Variants in SMARCA1 observed in about 807,000 individuals in gnomAD.
SMARCA1 encodes SWI/SNF-related matrix-associated actin-dependent regulator of chromatin subfamily A member 1.
In SMARCA1, 17 loss-of-function variants were observed where a neutral mutation model predicts 93.6. That is an observed-to-expected ratio of 0.18 (90% confidence interval 0.12 to 0.27). The LOEUF is 0.27. Among genes scored for constraint, SMARCA1 ranks in the 10% least tolerant of loss-of-function variants. The pLI, the probability that SMARCA1 is intolerant of heterozygous loss-of-function variation, is 1.00. For synonymous variants in SMARCA1, 271 were observed against 271.4 expected, an observed-to-expected ratio of 1.00 and a Z score of 0.01; for missense variants, 630 against 819.0, an observed-to-expected ratio of 0.77 and a Z score of 2.82.
At chrX:129,510,469 G>A (rs1045413199) in intron 6 of SMARCA1, among the ~76,000 whole-genome samples, 4 of 112,017 alleles carry the variant, frequency 3.6e-5, no homozygotes, top group African/African-American at 3.2e-5. Context: ...TCAGGAACCC[G>A]AGGTGAGAGG....
chrX:129,505,592 T>C lies in SMARCA1; in HGVS notation c.1098+488A>G, dbSNP rs137988955. On this transcript the variant is annotated intron_variant, in intron 8 of 24. Coordinates refer to ENST00000371121, the MANE Select transcript of SMARCA1 (RefSeq NM_001282874.2). Reference sequence around the variant, plus strand: ...TTCCATTTAGTTTGGTGTCCTAGCATAAATTTGTGTTAATGATAAAAATAT... The same window carrying C: ...TTCCATTTAGTTTGGTGTCCTAGCACAAATTTGTGTTAATGATAAAAATAT... 8.6e-3 allele frequency among the ~76,000 whole-genome samples: 954 copies of C among 110,833 alleles called. 10 individuals are homozygous for C. The highest frequency in any genetic ancestry group is 0.03 in the African/African-American group (913 of 30,529).
rs746039359 is a variant in SMARCA1, at chrX:129,448,417, C to T, written c.3057G>A (p.Leu1019=). The T allele has an allele frequency of 8.4e-7, 1 of 1,193,770 alleles. No individual in the cohort carries two copies. Among genetic ancestry groups the T allele is most frequent in the Non-Finnish European group, 1.1e-6 (1 of 881,311 alleles). Residue 1019 remains leucine, a synonymous_variant, in exon 24 of 25, where the codon CTG becomes CTA. Transcript: ENST00000371121. ...AMEFQRRCNT[L]ISLIEKENME... is the part of the protein sequence containing the mutation. ...TATTTTCTTTCTCAATCAATGAAAT[C>T]AGAGTGTTACAGCGTCTCTGGAATT... is the stretch of plus-strand genomic sequence containing the variant.
intron 16 of SMARCA1, among the ~76,000 whole-genome samples, chrX:129,487,498 A>T (rs1026015532): frequency 8.9e-6 from 1 of 112,758 alleles, no homozygotes; most frequent in Admixed American, 9.4e-5. Context: ...TATGAAACAT[A>T]TTAACACAAG....
chrX:129,498,589 T>G (rs1402956672), intron 10 of SMARCA1, among the ~76,000 whole-genome samples: 1 of 111,259 alleles, frequency 9.0e-6, no homozygotes, highest in Non-Finnish European at 1.9e-5. Context: ...GTCAAGGGCT[T>G]TATACGAATT....
intron 23 of SMARCA1, among the ~76,000 whole-genome samples, chrX:129,460,907 A>C (rs1932795932): frequency 8.9e-6 from 1 of 112,378 alleles, no homozygotes; most frequent in African/African-American, 3.2e-5. Flanking sequence ...AAAGAGCTAA[A>C]GCAATATTTT....
intron 6 of SMARCA1, 30 bp from the exon 7 acceptor site, chrX:129,508,126 A>AATATATTTATATATTCTATT: frequency 1.1e-6 from 1 of 872,702 alleles, no homozygotes; most frequent in East Asian, 3.7e-5. Flanking sequence ...TTCATATTAG[A>AATATATTTATATATTCTATT]ATATATTTAT....
rs1933929710 is a variant in SMARCA1 at position 129,487,210 on chromosome X, T to C, written c.2098-73A>G. ...TAAAAGTCTGTGGATTCTCTACCTT[T>C]TTAATAGTCAGGTTTTGACATGAAA... On this transcript the variant is annotated intron_variant, in intron 16 of 24. Transcript: ENST00000371121. 1.3e-5 allele frequency: 10 copies of C among 749,558 alleles called. No homozygotes were observed. The African/African-American group carries it at 1.5e-4, about 11-fold the overall frequency. The allele number at this position is 749,558 out of a possible 1,213,427, so 61.8% of individuals were successfully genotyped here.
intron 19 of SMARCA1, among the ~76,000 whole-genome samples, chrX:129,479,643 AAT>A (rs1395082524): frequency 8.3e-5 from 9 of 108,082 alleles, no homozygotes; most frequent in Non-Finnish European, 1.7e-4. Context: ...ATAAAATTAA[AAT>A]AGTGTTAATA....
At chrX:129,502,533 T>C (rs1934608540) in intron 9 of SMARCA1, among the ~76,000 whole-genome samples, 1 of 111,887 alleles carries the variant, frequency 8.9e-6, no homozygotes, top group African/African-American at 3.3e-5. Flanking sequence ...TTGAAGACAC[T>C]GTGAGACAAA....
chrX:129,497,014 C>A (rs1934359083), intron 11 of SMARCA1, 143 bp from the exon 12 acceptor site: 1 of 451,546 alleles, frequency 2.2e-6, no homozygotes, highest in Non-Finnish European at 3.8e-6. Context: ...CACACACACA[C>A]ACACACACCC....
intron 9 of SMARCA1, among the ~76,000 whole-genome samples, chrX:129,500,233 T>C (rs1934504253): frequency 8.9e-6 from 1 of 111,909 alleles, no homozygotes; most frequent in Admixed American, 9.4e-5. Context: ...AATGGCACAA[T>C]CTCGGCTCAC....
rs181604010 is a variant in SMARCA1 at position 129,521,644 on chromosome X, C to T, written c.174+1553G>A. Among the ~76,000 whole-genome samples the T allele has an allele frequency of 4.8e-4, 54 of 112,053 alleles. No individual in the cohort carries two copies. In the East Asian group the frequency reaches 0.014, roughly 28 times the overall value. Reference sequence around the variant, plus strand: ...CTGGAAATTCGACAACCTCTCCTGCCATACAAAAGGCAGTTTGGCACTCAC... The same window carrying T: ...CTGGAAATTCGACAACCTCTCCTGCTATACAAAAGGCAGTTTGGCACTCAC... On this transcript the variant is annotated intron_variant, in intron 1 of 24. Coordinates refer to ENST00000371121, the MANE Select transcript of SMARCA1 (RefSeq NM_001282874.2).
intron 23 of SMARCA1, 94 bp downstream of exon 23, chrX:129,465,426 A>T: frequency 5.3e-6 from 3 of 564,222 alleles, no homozygotes; most frequent in Non-Finnish European, 8.8e-6. Flanking sequence ...AATGTGTCAA[A>T]ATGTTAATTG....
intron 19 of SMARCA1, among the ~76,000 whole-genome samples, chrX:129,472,915 A>G (rs1043998513): frequency 9.0e-6 from 1 of 111,633 alleles, no homozygotes; most frequent in African/African-American, 3.3e-5. Flanking sequence ...AACTCTACCT[A>G]TATTAGATAT....
Position 129,523,467 on chromosome X carries a change from G to A in SMARCA1, c.-97C>T, listed in dbSNP as rs1935501552. The A allele has an allele frequency of 5.7e-6, 4 of 696,672 alleles. No individual in the cohort carries two copies. The highest frequency in any genetic ancestry group is 7.2e-5 in the Admixed American group (2 of 27,838). The allele number at this position is 696,672 out of a possible 1,213,427, so 57.4% of individuals were successfully genotyped here. On this transcript the variant is annotated 5_prime_UTR_variant, in exon 1 of 25. Transcript: ENST00000371121. ...CTGGAAAGAGCTAGATGGAGCAGGG[G>A]TGGGGAATCACTCCGCTTCCAACCC...
Position 129,523,324 on chromosome X carries a change from T to G in SMARCA1, c.47A>C (p.Asp16Ala), listed in dbSNP as rs773066012. ...AAVAATVAAADATATIVVIED... is the reference protein window; with the variant it reads ...AAVAATVAAAAATATIVVIED... ...TATGACCACGATAGTGGCGGTCGCA[T>G]CCGCGGCTGCCACGGTGGCTGCCAC... The change falls in exon 1 of 25, where the codon GAT becomes GCT. Residue 16 changes from aspartate to alanine, a missense_variant. Around this residue, in one of 4 missense-constraint regions of SMARCA1, gnomAD observed 103 missense variants for 82.0 expected, o/e 1.26. Coordinates refer to ENST00000371121, the MANE Select transcript of SMARCA1 (RefSeq NM_001282874.2). The G allele has an allele frequency of 3.5e-5, 42 of 1,198,260 alleles. No homozygotes were observed. Among genetic ancestry groups the G allele is most frequent in the Non-Finnish European group, 4.6e-5 (41 of 891,154 alleles).
At chrX:129,452,799 T>G (rs754919955) in intron 23 of SMARCA1, among the ~76,000 whole-genome samples, 1 of 112,338 alleles carries the variant, frequency 8.9e-6, no homozygotes, top group East Asian at 2.8e-4. Flanking sequence ...TTACTGAGCT[T>G]CATAGATATT....
At chrX:129,486,810 T>TTGATGATGATGATGATGATGA (rs35899125) in intron 17 of SMARCA1, among the ~76,000 whole-genome samples, 1 of 106,483 alleles carries the variant, frequency 9.4e-6, no homozygotes, top group South Asian at 4.1e-4. Context: ...ACAGCAAAAA[T>TTGATGATGATGATGATGATGA]TGATGATGAT....
intron 20 of SMARCA1, among the ~76,000 whole-genome samples, chrX:129,470,702 C>G (rs899521676): frequency 5.4e-5 from 6 of 110,689 alleles, no homozygotes; most frequent in African/African-American, 1.6e-4. Flanking sequence ...AACCCCATCT[C>G]TACTAAAAAC....
Sources: gnomAD v4.1 joint callset for allele counts (sites outside exome capture counted in the v4.1 genomes callset) on GRCh38, gnomAD v4.1.1 for gene constraint, gnomAD v4.1.1 regional missense constraint, MANE v1.5 for transcripts, NCBI Gene and HGNC (gene_info 2026-07-23, HGNC 2026-07-21) for gene names.